Variants in TRIM34 observed in about 807,000 individuals in gnomAD.
The protein encoded by TRIM34 is E3 ubiquitin-protein ligase TRIM34.
A neutral mutation model predicts 38.1 loss-of-function variants in TRIM34; 41 were observed. That is an observed-to-expected ratio of 1.08 (90% CI 0.84 to 1.40). The LOEUF (loss-of-function observed/expected upper bound fraction) is 1.40, where lower values mean the gene tolerates loss of function less well. TRIM34 is among the 40% of genes most tolerant of loss of function. The pLI, the probability that TRIM34 is intolerant of heterozygous loss-of-function variation, is 0.00. For missense variants in TRIM34, 556 were observed against 571.4 expected (o/e 0.97, Z 0.27); for synonymous variants, 200 against 202.5 (o/e 0.99, Z 0.10).
At chr11:5,642,348 G>T in intron 5 of TRIM34, 58 bp from the exon 6 acceptor site, 1 of 1,483,868 alleles carries the variant, frequency 6.7e-7, no homozygotes, top group South Asian at 1.2e-5. Flanking sequence ...CCAGTGATGT[G>T]GGAGGGATGG....
At chr11:5,634,080 A>C (rs1849608608) in intron 3 of TRIM34, among the ~76,000 whole-genome samples, 181 bp downstream of exon 3, 1 of 152,218 alleles carries the variant, frequency 6.6e-6, no homozygotes, top group African/African-American at 2.4e-5. Context: ...ACAATTACAC[A>C]TACATACCTG....
At position 5,632,572 on chromosome 11, in the gene TRIM34, C is replaced by T; in HGVS notation, c.241C>T (p.Leu81Phe). ...GCATCTGGCCAACATAGTGGAGAGA[C>T]TCAAGGAGGTCAAGTTGAGCCCAGA... ...NQHLANIVER[L>F]KEVKLSPDNG... The change falls in exon 2 of 8, where the codon CTC (leucine) becomes TTC (phenylalanine). Residue 81 changes from leucine to phenylalanine, a missense_variant. By Grantham distance (22) the Leu-to-Phe change is conservative. Transcript: ENST00000429814. 1.2e-6 allele frequency: 2 copies of T among 1,613,766 alleles called. No homozygotes were observed. Among genetic ancestry groups the T allele is most frequent in the South Asian group, 1.1e-5 (1 of 91,038 alleles).
upstream of TRIM34, among the ~76,000 whole-genome samples, chr11:5,623,002 G>C (rs1466070862): frequency 4.6e-5 from 7 of 151,162 alleles, no homozygotes; most frequent in Non-Finnish European, 8.8e-5. Flanking sequence ...GTCATAGGTA[G>C]ATAAAAGACA....
chr11:5,636,524 C>T (rs1215263312), intron 4 of TRIM34, among the ~76,000 whole-genome samples: 1 of 152,190 alleles, frequency 6.6e-6, no homozygotes, highest in Non-Finnish European at 1.5e-5. Flanking sequence ...ATTTGAACTA[C>T]ATCTCAGTAA....
upstream of TRIM34, among the ~76,000 whole-genome samples, chr11:5,623,460 C>T (rs934559191): frequency 4.6e-5 from 7 of 151,638 alleles, no homozygotes; most frequent in East Asian, 1.9e-4. Flanking sequence ...CTCCGCCTCC[C>T]GGGTTCAAGC....
At chr11:5,629,258 C>A (rs1379544923) in intron 1 of TRIM34, among the ~76,000 whole-genome samples, 5 of 151,860 alleles carry the variant, frequency 3.3e-5, no homozygotes, top group Admixed American at 3.3e-4. Context: ...GCCTGGGCGA[C>A]AGAGCGAAAC....
chr11:5,636,910 G>A (rs1188004645), intron 4 of TRIM34, among the ~76,000 whole-genome samples: 2 of 152,188 alleles, frequency 1.3e-5, no homozygotes, highest in Non-Finnish European at 1.5e-5. Context: ...ACTTTGGGAG[G>A]CCGAGGTGGG....
intron 1 of TRIM34, among the ~76,000 whole-genome samples, chr11:5,627,302 C>T (rs1849290246): frequency 6.6e-6 from 1 of 152,020 alleles, no homozygotes; most frequent in South Asian, 2.1e-4. Flanking sequence ...AGCGCTTGAA[C>T]CCAGCAAGCA....
chr11:5,621,896 T>A (rs1849002892), upstream of TRIM34, among the ~76,000 whole-genome samples: 1 of 152,156 alleles, frequency 6.6e-6, no homozygotes, highest in South Asian at 2.1e-4. Context: ...ATTTATTGAT[T>A]GATGTCTCAT....
intron 3 of TRIM34, 27 bp downstream of exon 3, chr11:5,633,926 G>A: frequency 1.2e-6 from 2 of 1,611,282 alleles, no homozygotes; most frequent in Non-Finnish European, 1.7e-6. Flanking sequence ...AAGGTTTTCT[G>A]AGACAGGAAT....
chr11:5,623,922 TATGTA>T (rs1274687624), upstream of TRIM34, among the ~76,000 whole-genome samples: 5 of 152,194 alleles, frequency 3.3e-5, no homozygotes, highest in Non-Finnish European at 7.3e-5. Context: ...CACCTTTTAT[TATGTA>T]ATGTGCTCTA....
intron 4 of TRIM34, among the ~76,000 whole-genome samples, chr11:5,639,253 G>T (rs1319547835): frequency 6.6e-6 from 1 of 152,072 alleles, no homozygotes; most frequent in Non-Finnish European, 1.5e-5. Context: ...ATAGTAAAGG[G>T]TTAAGGGAAA....
intron 4 of TRIM34, among the ~76,000 whole-genome samples, chr11:5,640,442 ATTT>A (rs201319272): frequency 1.3e-5 from 2 of 150,620 alleles, no homozygotes; most frequent in African/African-American, 4.9e-5. Flanking sequence ...ACATCAATTG[ATTT>A]TTTTTTATGT....
At chr11:5,620,785 G>A (rs934708215), upstream of TRIM34, among the ~76,000 whole-genome samples, 1 of 152,132 alleles carries the variant, frequency 6.6e-6, no homozygotes, top group African/African-American at 2.4e-5. Context: ...TTAAGTGAGA[G>A]GCTCTGGTAG....
chr11:5,641,523 T>C (rs1228862717), intron 5 of TRIM34, among the ~76,000 whole-genome samples: 1 of 152,210 alleles, frequency 6.6e-6, no homozygotes, highest in Non-Finnish European at 1.5e-5. Flanking sequence ...TTATTTTATA[T>C]GTGTTTGTCA....
intron 7 of TRIM34, 83 bp downstream of exon 7, chr11:5,642,926 G>A: frequency 6.4e-7 from 1 of 1,572,980 alleles, no homozygotes; most frequent in Non-Finnish European, 8.7e-7. Context: ...TCTGATCTTA[G>A]CCTCATGCAT....
chr11:5,632,654 G>A lies in TRIM34; in HGVS notation c.323G>A (p.Cys108Tyr), dbSNP rs1470450503. 1 of 1,612,984 alleles carries A rather than the reference G, an allele frequency of 6.2e-7. No individual in the cohort carries two copies. The highest frequency in any genetic ancestry group is 8.5e-7 in the Non-Finnish European group (1 of 1,179,800). Residue 108 changes from cysteine (C) to tyrosine (Y), a missense_variant, in exon 2 of 8, where the codon TGT becomes TAT. By Grantham distance (194) the Cys-to-Tyr change is radical. Transcript: ENST00000429814. Reference sequence around the variant, plus strand: ...CATGGAGAGAAACTCCTACTCTTCTGTAAGGAGGATAGGAAAGTCATTTGC... The same window carrying A: ...CATGGAGAGAAACTCCTACTCTTCTATAAGGAGGATAGGAAAGTCATTTGC... ...DHHGEKLLLFCKEDRKVICWL... is the reference protein window; with the variant it reads ...DHHGEKLLLFYKEDRKVICWL...
chr11:5,635,540 C>A (rs1341162918), intron 4 of TRIM34, among the ~76,000 whole-genome samples: 1 of 152,040 alleles, frequency 6.6e-6, no homozygotes, highest in Non-Finnish European at 1.5e-5. Context: ...ACAGGCCTGA[C>A]CCACCGCACC....
At chr11:5,639,610 G>A (rs150694644) in intron 4 of TRIM34, among the ~76,000 whole-genome samples, 77 of 148,676 alleles carry the variant, frequency 5.2e-4, no homozygotes, top group African/African-American at 1.8e-3. Flanking sequence ...AACCGGGGAG[G>A]TGGAGGTTGC....
Sources: allele counts gnomAD v4.1 joint callset (sites outside exome capture counted in the v4.1 genomes callset), GRCh38; gene constraint gnomAD v4.1.1; transcripts MANE v1.5; gene names NCBI Gene and HGNC (gene_info 2026-07-23, HGNC 2026-07-21).